Variants in CPLANE1 observed in about 807,000 individuals in gnomAD.
CPLANE1 encodes the protein ciliogenesis and planar polarity effector 1.
In CPLANE1, 263 loss-of-function variants were observed where a neutral mutation model predicts 362.5. The ratio of observed to expected loss-of-function variants is 0.73; its 90% CI spans 0.66 to 0.80. The LOEUF (loss-of-function observed/expected upper bound fraction) is 0.80. Ranked by LOEUF, CPLANE1 falls within the 30% of genes least tolerant of loss-of-function variation. The probability of loss-of-function intolerance (pLI) is 0.00; values close to 1 mark genes in which losing one functional copy is unlikely to be tolerated. For synonymous variants in CPLANE1, 1,212 were observed against 1,302.6 expected (o/e 0.93, Z 1.50); for missense variants, 3,461 against 3,793.4 (o/e 0.91, Z 2.30).
intron 44 of CPLANE1, chr5:37,141,481 C>A: frequency 1.0e-6 from 1 of 984,416 alleles, no homozygotes. Flanking sequence ...GACTAAAACA[C>A]ACATGGCATC....
At chr5:37,146,768 GT>G (rs1771744326) in intron 43 of CPLANE1, among the ~76,000 whole-genome samples, 1 of 151,954 alleles carries the variant, frequency 6.6e-6, no homozygotes, top group Non-Finnish European at 1.5e-5. Context: ...GTATATGAAA[GT>G]TAATTGTATG....
chr5:37,083,423 A>G, the CPLANE1 span, among the ~76,000 whole-genome samples: 1 of 152,228 alleles, frequency 6.6e-6, no homozygotes, highest in Non-Finnish European at 1.5e-5. Context: ...GCACAAACCA[A>G]GAAGGAATCC....
the CPLANE1 span, among the ~76,000 whole-genome samples, chr5:37,095,700 C>G: frequency 6.6e-6 from 1 of 152,164 alleles, no homozygotes; most frequent in Non-Finnish European, 1.5e-5. Context: ...CTCCAGAAAG[C>G]TCCTAGAACT....
At chr5:37,231,072 T>C in intron 8 of CPLANE1, 23 bp from the exon 9 acceptor site, 2 of 1,463,682 alleles carry the variant, frequency 1.4e-6, no homozygotes, top group Non-Finnish European at 1.8e-6. Flanking sequence ...AGAGACAACA[T>C]GTTTAGAAGA....
At chr5:37,241,775 C>T (rs543501719) in intron 6 of CPLANE1, among the ~76,000 whole-genome samples, 6 of 152,018 alleles carry the variant, frequency 3.9e-5, no homozygotes, top group African/African-American at 7.2e-5. Flanking sequence ...TATAGGCATG[C>T]GCCACCATGC....
chr5:37,157,968 C>G, intron 39 of CPLANE1, 100 bp from the exon 40 acceptor site: 2 of 633,956 alleles, frequency 3.2e-6, no homozygotes, highest in Non-Finnish European at 4.8e-6. Flanking sequence ...AGGCTTAATT[C>G]TTCATTCTTA....
rs1199113579 is a variant in CPLANE1, at chr5:37,224,596, C to T, written c.2436G>A (p.Leu812=). The change falls in exon 13 of 53, where the codon TTG becomes TTA. Residue 812 remains leucine (L), a synonymous_variant. Coordinates refer to ENST00000651892, the MANE Select transcript of CPLANE1 (RefSeq NM_001384732.1). The stretch of plus-strand genomic sequence containing the variant: ...CTCCAGTACTCTGTAGGTTAGCCTG[C>T]AAATGACATAACAGGGACTTGACAG... ...ASTVKSLLCH[L]QANLQSTGDC... 3.2e-6 allele frequency: 5 copies of T among 1,551,292 alleles called. No homozygotes were observed. Among genetic ancestry groups the T allele is most frequent in the Non-Finnish European group, 4.4e-6 (5 of 1,146,802 alleles).
chr5:37,245,814 T>G lies in CPLANE1; in HGVS notation c.113A>C (p.Lys38Thr), dbSNP rs1043094880. ...TAGCAAATTAATTTCATTTATGAATTTATCATCCAAAAGAAAAACGGCTTC... is the reference window on the plus strand; with the variant it reads ...TAGCAAATTAATTTCATTTATGAATGTATCATCCAAAAGAAAAACGGCTTC... ...EKEAVFLLDD[K>T]FINEINLLSG... Residue 38 changes from lysine (K) to threonine (T), a missense_variant, in exon 3 of 53, where the codon AAA (lysine) becomes ACA (threonine). By Grantham distance (78) the Lys-to-Thr change is moderately conservative. This residue lies in a region of CPLANE1 where 3,380 missense variants were observed against 3,666.1 expected (regional missense o/e 0.92). Transcript: ENST00000651892. 6.6e-6 allele frequency: 10 copies of G among 1,526,428 alleles called. No homozygotes were observed. The African/African-American group carries it at 1.4e-4, about 21-fold the overall frequency. 94.6% of individuals were successfully genotyped at this position (1,526,428 alleles called of 1,614,324 possible). A position where few individuals can be genotyped will look rare whatever the true frequency, so the allele number is the denominator to read the frequency against.
Position 37,157,783 on chromosome 5 carries a change from T to C in CPLANE1, c.7898A>G (p.Asp2633Gly). 6.2e-7 allele frequency: 1 copy of C among 1,613,808 alleles called. No homozygotes were observed. The highest frequency in any genetic ancestry group is 8.5e-7 in the Non-Finnish European group (1 of 1,179,824). The change falls in exon 40 of 53, where the codon GAT (aspartate) becomes GGT (glycine). Residue 2633 changes from aspartate (D) to glycine (G), a missense_variant. Physicochemically the swap from Asp to Gly is moderately conservative, Grantham distance 94. Transcript: ENST00000651892. ...ATCGCTTTGCTGTTTGATAACATTATCATTTGAAGGCTCTTCTCTCACAGG... is the reference window on the plus strand; with the variant it reads ...ATCGCTTTGCTGTTTGATAACATTACCATTTGAAGGCTCTTCTCTCACAGG... ...ELPVREEPSN[D>G]NVIKQQSDHL...
At chr5:37,162,321 A>T in intron 38 of CPLANE1, 144 bp downstream of exon 38, 1 of 598,030 alleles carries the variant, frequency 1.7e-6, no homozygotes, top group Non-Finnish European at 2.9e-6. Context: ...AGTATATACC[A>T]AGACTGGAAA....
chr5:37,166,869 T>G (rs993697716), intron 35 of CPLANE1, among the ~76,000 whole-genome samples, 178 bp downstream of exon 35: 2 of 152,196 alleles, frequency 1.3e-5, no homozygotes, highest in African/African-American at 4.8e-5. Flanking sequence ...AGTATTTGTC[T>G]CGCAAAATAG....
At chr5:37,165,804 G>T in intron 35 of CPLANE1, 133 bp from the exon 36 acceptor site, 1 of 781,898 alleles carries the variant, frequency 1.3e-6, no homozygotes, top group Non-Finnish European at 1.9e-6. Flanking sequence ...TAATTAAATT[G>T]GCAAGATATT....
intron 46 of CPLANE1, among the ~76,000 whole-genome samples, chr5:37,131,105 C>T (rs1317364012): frequency 1.3e-5 from 2 of 152,128 alleles, no homozygotes; most frequent in Non-Finnish European, 2.9e-5. Context: ...TTTTGATAAC[C>T]TTCCTTTGTT....
intron 51 of CPLANE1, among the ~76,000 whole-genome samples, chr5:37,114,501 A>C (rs1425415824): frequency 6.6e-6 from 1 of 152,244 alleles, no homozygotes; most frequent in Non-Finnish European, 1.5e-5. Flanking sequence ...ACTTGATTCC[A>C]TAAAGCTACT....
chr5:37,127,675 C>A (rs1220415702), intron 46 of CPLANE1, among the ~76,000 whole-genome samples: 1 of 151,620 alleles, frequency 6.6e-6, no homozygotes, highest in Non-Finnish European at 1.5e-5. Context: ...TGCACCACCA[C>A]GCCCGGCTTT....
chr5:37,239,136 A>T (rs921201294), intron 7 of CPLANE1, among the ~76,000 whole-genome samples, 176 bp from the exon 8 acceptor site: 1 of 152,208 alleles, frequency 6.6e-6, no homozygotes, highest in Non-Finnish European at 1.5e-5. Flanking sequence ...GTTCCACCTT[A>T]AAAACATTAG....
chr5:37,089,675 G>C, the CPLANE1 span, among the ~76,000 whole-genome samples: 1 of 152,096 alleles, frequency 6.6e-6, no homozygotes, highest in Non-Finnish European at 1.5e-5. Flanking sequence ...CCCCCACGGC[G>C]ATTCCTCAAG....
At chr5:37,201,451 A>T (rs1476413010) in intron 19 of CPLANE1, 140 bp downstream of exon 19, 3 of 654,554 alleles carry the variant, frequency 4.6e-6, no homozygotes, top group Non-Finnish European at 2.6e-6. Context: ...TTATACAATT[A>T]GTGAACAGCA....
At chr5:37,099,620 A>C in the CPLANE1 span, among the ~76,000 whole-genome samples, 1 of 152,118 alleles carries the variant, frequency 6.6e-6, no homozygotes, top group Non-Finnish European at 1.5e-5. Flanking sequence ...CATTATCTTT[A>C]TAACAGAATG....
Sources: allele counts gnomAD v4.1 joint callset (sites outside exome capture counted in the v4.1 genomes callset), GRCh38; gene constraint gnomAD v4.1.1; regional missense constraint gnomAD v4.1.1; transcripts MANE v1.5; gene names NCBI Gene and HGNC (gene_info 2026-07-23, HGNC 2026-07-21).